The following MSI1 variants were observed in gnomAD, a reference collection of about 807,000 sequenced individuals.
MSI1 encodes RNA-binding protein Musashi homolog 1.
MSI1 carries 15 observed loss-of-function variants against 54.4 expected under a neutral mutation model. The ratio of observed to expected loss-of-function variants is 0.28; its 90% CI spans 0.18 to 0.42. The LOEUF (loss-of-function observed/expected upper bound fraction) is 0.42, where lower values mean the gene tolerates loss of function less well. Among genes scored for constraint, MSI1 ranks in the 20% least tolerant of loss-of-function variants. The probability of loss-of-function intolerance (pLI) is 1.00; values close to 1 mark genes in which losing one functional copy is unlikely to be tolerated. For missense variants in MSI1, 304 were observed against 506.0 expected (o/e 0.60, Z 3.83); for synonymous variants, 200 against 196.5 (o/e 1.02, Z -0.15).
chr12:120,367,269 A>G (rs964425274), intron 4 of MSI1, among the ~76,000 whole-genome samples: 12 of 152,052 alleles, frequency 7.9e-5, no homozygotes, highest in African/African-American at 2.9e-4. Context: ...CCCCCATCAC[A>G]TGGGAGTAAC....
At chr12:120,365,805 C>A (rs568922761) in intron 4 of MSI1, among the ~76,000 whole-genome samples, 2 of 152,320 alleles carry the variant, frequency 1.3e-5, no homozygotes, top group African/African-American at 4.8e-5. Context: ...AGCCTGTGAT[C>A]TTGGTAATGC....
intron 13 of MSI1, among the ~76,000 whole-genome samples, 178 bp downstream of exon 13, chr12:120,345,957 C>T (rs1440402007): frequency 6.6e-6 from 1 of 152,224 alleles, no homozygotes; most frequent in Non-Finnish European, 1.5e-5. Context: ...GAGGCGATAA[C>T]TAAGTGCCCA....
intron 9 of MSI1, 106 bp downstream of exon 9, chr12:120,356,796 A>G: frequency 1.0e-6 from 1 of 976,514 alleles, no homozygotes; most frequent in Non-Finnish European, 1.6e-6. Context: ...AATGACTCAG[A>G]CAGGAGGAGG....
At chr12:120,358,781 T>TG (rs1464545208) in intron 7 of MSI1, among the ~76,000 whole-genome samples, 1 of 48,568 alleles carries the variant, frequency 2.1e-5, no homozygotes, top group Admixed American at 2.3e-4. Flanking sequence ...TTGCAGGGAC[T>TG]GGGGGGGTGG....
chr12:120,343,522 C>T (rs1034034064), intron 14 of MSI1, among the ~76,000 whole-genome samples: 7 of 152,082 alleles, frequency 4.6e-5, no homozygotes, highest in African/African-American at 1.7e-4. Flanking sequence ...CCACACCCAG[C>T]CAGACTTTGC....
Position 120,368,735 on chromosome 12 carries a change from T to A in MSI1, c.100+98A>T, listed in dbSNP as rs1876193063. The A allele has an allele frequency of 1.8e-6, 2 of 1,110,680 alleles. No homozygotes were observed. 68.8% of individuals were successfully genotyped at this position (1,110,680 alleles called of 1,614,324 possible). ...AAAGAGGGCGCGAGGGCGCCCGGGG[T>A]CAGCAGGGCGCAGGGCCGGGCTGGG... On this transcript the variant is annotated intron_variant, in intron 2 of 14. Transcript: ENST00000257552. The surrounding 1 kb of genome is among the most constrained non-coding windows in gnomAD (Gnocchi z 6.6).
chr12:120,356,878 C>T (rs745663274), intron 9 of MSI1, 24 bp downstream of exon 9: 2 of 1,605,388 alleles, frequency 1.2e-6, no homozygotes, highest in Non-Finnish European at 1.7e-6. Context: ...CAGAAAGAAG[C>T]CGCAGGCGCA....
In MSI1 at chr12:120,345,525, C is replaced by T. The variant is rs1874036206; in HGVS notation, c.*21+45G>A. 1.9e-6 allele frequency: 3 copies of T among 1,580,040 alleles called. No homozygotes were observed. The South Asian group carries it at 3.3e-5, about 18-fold the overall frequency. Reference sequence around the variant, plus strand: ...CCCAGATTCGATGGCCCAGGACAGGCTTCCCCAGTGCCACCCCACCACCTG... The same window carrying T: ...CCCAGATTCGATGGCCCAGGACAGGTTTCCCCAGTGCCACCCCACCACCTG... On this transcript the variant is annotated intron_variant, in intron 14 of 14. Coordinates refer to ENST00000257552, the MANE Select transcript of MSI1 (RefSeq NM_002442.4).
rs1054596657 is a variant in MSI1, at chr12:120,346,050, A to G, written c.1047+85T>C. On this transcript the variant is annotated intron_variant, in intron 13 of 14. Coordinates refer to ENST00000257552, the MANE Select transcript of MSI1 (RefSeq NM_002442.4). Reference sequence around the variant, plus strand: ...CCTCACCCTCCTTTTGCCCCCAGAGACAAAGAAGTTCTCTCCCTTCCCCAA... The same window carrying G: ...CCTCACCCTCCTTTTGCCCCCAGAGGCAAAGAAGTTCTCTCCCTTCCCCAA... The G allele has an allele frequency of 4.1e-6, 5 of 1,227,538 alleles. No homozygotes were observed. The African/African-American group carries it at 6.1e-5, about 15-fold the overall frequency. 76.0% of individuals were successfully genotyped at this position (1,227,538 alleles called of 1,614,324 possible). A position where few individuals can be genotyped will look rare whatever the true frequency, so the allele number is the denominator to read the frequency against.
At chr12:120,367,357 G>A (rs1876079097) in intron 4 of MSI1, among the ~76,000 whole-genome samples, 1 of 152,200 alleles carries the variant, frequency 6.6e-6, no homozygotes, top group Admixed American at 6.5e-5. Flanking sequence ...CGAAGGAGCT[G>A]TGGGACAACA....
chr12:120,356,839 G>T, intron 9 of MSI1, 63 bp downstream of exon 9: 1 of 1,432,652 alleles, frequency 7.0e-7, no homozygotes, highest in Non-Finnish European at 9.8e-7. Flanking sequence ...CACCCACACA[G>T]CCCCTGCTAG....
At chr12:120,352,106 C>T (rs893078416) in intron 10 of MSI1, among the ~76,000 whole-genome samples, 5 of 151,866 alleles carry the variant, frequency 3.3e-5, no homozygotes, top group Admixed American at 6.6e-5. Flanking sequence ...CACACTCGAC[C>T]TCCTGGGCTC....
Position 120,363,039 on chromosome 12 carries a change from C to G in MSI1, c.402+4G>C, listed in dbSNP as rs201912912. The stretch of plus-strand genomic sequence containing the variant: ...AGCAGCAAGCGCCCCCAGTTTAAAC[C>G]CACCTTCCCAAACTGCTCAAAATAT... On this transcript the variant is annotated splice_donor_region_variant and intron_variant, in intron 6 of 14. Coordinates refer to ENST00000257552, the MANE Select transcript of MSI1 (RefSeq NM_002442.4). 3 of 1,613,604 alleles carry G rather than the reference C, an allele frequency of 1.9e-6. No individual in the cohort carries two copies. Among genetic ancestry groups the G allele is most frequent in the South Asian group, 1.1e-5 (1 of 91,038 alleles).
intron 6 of MSI1, among the ~76,000 whole-genome samples, chr12:120,362,159 C>A (rs1020072703): frequency 2.0e-5 from 3 of 149,316 alleles, no homozygotes; most frequent in African/African-American, 7.5e-5. Context: ...GGGGACACCT[C>A]CCCCCCCCAC....
intron 5 of MSI1, 126 bp from the exon 6 acceptor site, chr12:120,363,261 G>GCCCCC (rs34243955): frequency 1.8e-6 from 1 of 545,994 alleles, no homozygotes; most frequent in African/African-American, 2.4e-5. Flanking sequence ...CTCTTTAAAG[G>GCCCCC]CCCCCCCCCC....
intron 6 of MSI1, among the ~76,000 whole-genome samples, chr12:120,362,674 G>C (rs574836934): frequency 6.6e-6 from 1 of 152,180 alleles, no homozygotes; most frequent in African/African-American, 2.4e-5. Flanking sequence ...GTGGGGAAAG[G>C]TTCAATAGCC....
At chr12:120,363,187 C>T in intron 5 of MSI1, 52 bp from the exon 6 acceptor site, 1 of 1,525,292 alleles carries the variant, frequency 6.6e-7, no homozygotes. Flanking sequence ...TGGCCTACCG[C>T]CACCAGCAGG....
In MSI1 at chr12:120,356,933, C is replaced by T. The variant is rs769508876; in HGVS notation, c.621G>A (p.Met207Ile). 1.3e-5 allele frequency: 21 copies of T among 1,614,220 alleles called. No individual in the cohort carries two copies. Among genetic ancestry groups the T allele is most frequent in the Non-Finnish European group, 1.7e-5 (20 of 1,180,048 alleles). Residue 207 changes from methionine (M) to isoleucine (I), a missense_variant, in exon 9 of 15, where the codon ATG becomes ATA. By Grantham distance (10) the Met-to-Ile change is conservative. Around this residue, in one of 4 missense-constraint regions of MSI1, gnomAD observed 147 missense variants for 231.5 expected, o/e 0.64. Coordinates refer to ENST00000257552, the MANE Select transcript of MSI1 (RefSeq NM_002442.4). ...RGRSRVMPYGMDAFMLGIGML... is the reference protein window; with the variant it reads ...RGRSRVMPYGIDAFMLGIGML... The stretch of plus-strand genomic sequence containing the variant: ...TGCCGATGCCCAGCATGAAGGCGTC[C>T]ATTCCGTAGGGCATGACTCGAGACC...
chr12:120,367,844 C>A (rs183735318), intron 4 of MSI1, among the ~76,000 whole-genome samples, 164 bp downstream of exon 4: 2 of 152,204 alleles, frequency 1.3e-5, no homozygotes, highest in East Asian at 3.9e-4. Context: ...CCTCTCCCCC[C>A]CAACTCTAGT....
Sources: gnomAD v4.1 joint callset for allele counts (sites outside exome capture counted in the v4.1 genomes callset) on GRCh38, gnomAD v4.1.1 for gene constraint, gnomAD v4.1.1 regional missense constraint, Gnocchi (gnomAD v3.1) non-coding constraint, MANE v1.5 for transcripts, NCBI Gene and HGNC (gene_info 2026-07-23, HGNC 2026-07-21) for gene names.